RAB11FIP4: variants seen among roughly 807,000 people sequenced by gnomAD.
RAB11FIP4 encodes rab11 family-interacting protein 4.
RAB11FIP4 carries 23 observed loss-of-function variants against 74.3 expected under a neutral mutation model. That is an observed-to-expected ratio of 0.31 (90% CI 0.22 to 0.44). The LOEUF is 0.44. RAB11FIP4 is among the 20% of genes least tolerant of loss of function. RAB11FIP4 has a pLI of 1.00. For missense variants in RAB11FIP4, 630 were observed against 863.9 expected (o/e 0.73, Z 3.39); for synonymous variants, 360 against 359.9 (o/e 1.00, Z 0.00).
intron 3 of RAB11FIP4, among the ~76,000 whole-genome samples, chr17:31,495,366 ATT>A (rs3058694): frequency 0.06 from 4,979 of 82,976 alleles, 290 homozygotes; most frequent in African/African-American, 0.17. Context: ...CACTTGACTG[ATT>A]TTTTTTTTTT....
Position 31,531,738 on chromosome 17 carries a change from G to A in RAB11FIP4, c.*6G>A, listed in dbSNP as rs199893665. 8.1e-5 allele frequency: 129 copies of A among 1,593,980 alleles called. No individual in the cohort carries two copies. Among genetic ancestry groups the A allele is most frequent in the Non-Finnish European group, 9.8e-5 (114 of 1,161,762 alleles). On this transcript the variant is annotated 3_prime_UTR_variant, in exon 15 of 15. Transcript: ENST00000621161. ...TCCTCGAGATCAAACACTAAGGCAC[G>A]GGGCTGGCTGCAGAGCAGCCTTAGG...
chr17:31,505,630 TA>T (rs1567681521), intron 3 of RAB11FIP4, among the ~76,000 whole-genome samples: 42 of 73,640 alleles, frequency 5.7e-4, no homozygotes, highest in Admixed American at 1.1e-3. Context: ...TATATAATTA[TA>T]TAATAATAAT....
At chr17:31,421,384 A>T (rs974980143) in intron 1 of RAB11FIP4, among the ~76,000 whole-genome samples, 1 of 151,830 alleles carries the variant, frequency 6.6e-6, no homozygotes, top group African/African-American at 2.4e-5. Context: ...ATGCCCAGCT[A>T]ATTTTTGTAT....
chr17:31,459,201 T>C (rs986182628), intron 3 of RAB11FIP4, among the ~76,000 whole-genome samples: 2 of 152,070 alleles, frequency 1.3e-5, no homozygotes, highest in African/African-American at 4.8e-5. Context: ...CCTTCTCCCC[T>C]CAGCCACCTG....
chr17:31,445,566 ATATATATATATATTTT>A (rs2071450889), intron 3 of RAB11FIP4, among the ~76,000 whole-genome samples: 18 of 12,428 alleles, frequency 1.4e-3, no homozygotes, highest in Admixed American at 5.1e-3. Flanking sequence ...ATATATATAT[ATATATATATATATTTT>A]TTTTTTTTTT....
At chr17:31,413,569 C>T (rs2071119753) in intron 1 of RAB11FIP4, among the ~76,000 whole-genome samples, 1 of 151,840 alleles carries the variant, frequency 6.6e-6, no homozygotes, top group Admixed American at 6.6e-5. Context: ...TACCCTCTCC[C>T]TCCTCCCTCC....
intron 3 of RAB11FIP4, among the ~76,000 whole-genome samples, chr17:31,472,966 G>C (rs1292277662): frequency 6.6e-6 from 1 of 151,920 alleles, no homozygotes; most frequent in East Asian, 1.9e-4. Context: ...CTGGGAGGTG[G>C]AGGTTGCAGT....
intron 6 of RAB11FIP4, 134 bp from the exon 7 acceptor site, chr17:31,522,226 C>A: frequency 7.8e-7 from 1 of 1,276,292 alleles, no homozygotes; most frequent in Non-Finnish European, 1.1e-6. Context: ...CTTCTCAGGA[C>A]CAAGCTGACT....
At chr17:31,479,044 C>G (rs1054320825) in intron 3 of RAB11FIP4, among the ~76,000 whole-genome samples, 1 of 152,212 alleles carries the variant, frequency 6.6e-6, no homozygotes, top group African/African-American at 2.4e-5. Flanking sequence ...GATCTGGGTA[C>G]AAATCTTGTC....
intron 1 of RAB11FIP4, among the ~76,000 whole-genome samples, chr17:31,395,520 G>A (rs369763979): frequency 3.2e-4 from 49 of 152,298 alleles, no homozygotes; most frequent in African/African-American, 1.2e-3. Flanking sequence ...GATGTGGTGA[G>A]AATAGAACTT....
At chr17:31,411,944 G>A (rs73277783) in intron 1 of RAB11FIP4, among the ~76,000 whole-genome samples, 3 of 152,362 alleles carry the variant, frequency 2.0e-5, no homozygotes, top group African/African-American at 7.2e-5. Context: ...TGCCTCAGTC[G>A]GGGCTCTGGG....
intron 3 of RAB11FIP4, among the ~76,000 whole-genome samples, chr17:31,439,872 G>A (rs1433089464): frequency 1.3e-5 from 2 of 152,162 alleles, no homozygotes; most frequent in African/African-American, 4.8e-5. Context: ...CCTGTGCTCA[G>A]GTGATCTGCC....
At position 31,452,443 on chromosome 17, in the gene RAB11FIP4, T is replaced by TCTGCAG. The variant is rs569741402; in HGVS notation, c.336+18325_336+18330dup. Among the ~76,000 whole-genome samples the TCTGCAG allele has an allele frequency of 8.5e-5, 13 of 152,310 alleles. No individual in the cohort carries two copies. The East Asian group carries it at 2.5e-3, about 29-fold the overall frequency. Reference sequence around the variant, plus strand: ...AGGGGGTGCCTGGATTCTCTGAGACTCTGCAGCTGGGCTCTCTCGCTTTCC... The same window carrying TCTGCAG: ...AGGGGGTGCCTGGATTCTCTGAGACTCTGCAGCTGCAGCTGGGCTCTCTCGCTTTCC... On this transcript the variant is annotated intron_variant, in intron 3 of 14. Coordinates refer to ENST00000621161, the MANE Select transcript of RAB11FIP4 (RefSeq NM_032932.6).
intron 1 of RAB11FIP4, among the ~76,000 whole-genome samples, chr17:31,402,657 T>G (rs1484335945): frequency 1.3e-5 from 2 of 149,718 alleles, no homozygotes; most frequent in Non-Finnish European, 3.0e-5. Flanking sequence ...AGTCTTGCTT[T>G]GTCGCCCAGG....
chr17:31,447,670 G>T (rs753637551), intron 3 of RAB11FIP4, among the ~76,000 whole-genome samples: 1 of 151,692 alleles, frequency 6.6e-6, no homozygotes, highest in African/African-American at 2.4e-5. Flanking sequence ...TTACACACGC[G>T]CACCCCCATG....
At chr17:31,415,224 C>T (rs1316057541) in intron 1 of RAB11FIP4, among the ~76,000 whole-genome samples, 1 of 152,238 alleles carries the variant, frequency 6.6e-6, no homozygotes, top group Non-Finnish European at 1.5e-5. Context: ...GTTGAGTGGC[C>T]CCAGGCACCT....
chr17:31,454,571 G>C (rs1262067335), intron 3 of RAB11FIP4, among the ~76,000 whole-genome samples: 1 of 151,998 alleles, frequency 6.6e-6, no homozygotes, highest in Non-Finnish European at 1.5e-5. Flanking sequence ...ACTGTGCCTT[G>C]CCTAAGTCTG....
At chr17:31,477,893 T>A (rs977453601) in intron 3 of RAB11FIP4, among the ~76,000 whole-genome samples, 1 of 152,088 alleles carries the variant, frequency 6.6e-6, no homozygotes, top group Non-Finnish European at 1.5e-5. Flanking sequence ...GGATAATACC[T>A]GCCTCGTAGG....
intron 1 of RAB11FIP4, among the ~76,000 whole-genome samples, chr17:31,420,885 C>A (rs2071192391): frequency 6.6e-6 from 1 of 151,956 alleles, no homozygotes; most frequent in Non-Finnish European, 1.5e-5. Flanking sequence ...AGAGTTCAAG[C>A]CCAGCCTGAC....
Sources: gnomAD v4.1 joint callset for allele counts (sites outside exome capture counted in the v4.1 genomes callset) on GRCh38, gnomAD v4.1.1 for gene constraint, MANE v1.5 for transcripts, NCBI Gene and HGNC (gene_info 2026-07-23, HGNC 2026-07-21) for gene names.